Variants in PTPRD observed in about 807,000 individuals in gnomAD.
PTPRD encodes the protein protein tyrosine phosphatase receptor type D, also known as receptor-type tyrosine-protein phosphatase delta.
In PTPRD, 34 loss-of-function variants were observed where a neutral mutation model predicts 214.5. The ratio of observed to expected loss-of-function variants is 0.16; its 90% CI spans 0.12 to 0.21. The LOEUF (loss-of-function observed/expected upper bound fraction) is 0.21, where lower values mean the gene tolerates loss of function less well. Ranked by LOEUF, PTPRD falls within the 10% of genes least tolerant of loss-of-function variation. The pLI, the probability that PTPRD is intolerant of heterozygous loss-of-function variation, is 1.00. For synonymous variants in PTPRD, 1,128 were observed against 845.7 expected (o/e 1.33, Z -5.79); for missense variants, 2,545 against 2,398.7 (o/e 1.06, Z -1.27).
intron 11 of PTPRD, among the ~76,000 whole-genome samples, chr9:8,916,211 T>C (rs1418990797): frequency 6.6e-6 from 1 of 152,106 alleles, no homozygotes; most frequent in Non-Finnish European, 1.5e-5. Context: ...CAACAGCATG[T>C]AGATGTTAAT....
intron 3 of PTPRD, among the ~76,000 whole-genome samples, chr9:10,135,717 G>T (rs112054335): frequency 1.1e-3 from 165 of 152,050 alleles, no homozygotes; most frequent in Middle Eastern, 3.4e-3. Flanking sequence ...ATTACAAGAG[G>T]TCCTTAAGGG....
intron 44 of PTPRD, 25 bp from the exon 45 acceptor site, chr9:8,319,991 T>C (rs1825729775): frequency 6.2e-7 from 1 of 1,608,844 alleles, no homozygotes; most frequent in Non-Finnish European, 8.5e-7. Flanking sequence ...AAGGCGATGT[T>C]ACTGGGTGAG....
At chr9:9,324,771 C>T (rs1001517893) in intron 9 of PTPRD, among the ~76,000 whole-genome samples, 1 of 152,120 alleles carries the variant, frequency 6.6e-6, no homozygotes, top group Non-Finnish European at 1.5e-5. Context: ...TTGCCCATGC[C>T]TATGTCCTGA....
At chr9:10,297,204 G>T (rs527700969) in intron 3 of PTPRD, among the ~76,000 whole-genome samples, 1 of 150,698 alleles carries the variant, frequency 6.6e-6, no homozygotes, top group Non-Finnish European at 1.5e-5. Context: ...GTATACATGT[G>T]CCATGTTGTG....
At chr9:8,615,383 G>A (rs1276164406) in intron 14 of PTPRD, among the ~76,000 whole-genome samples, 1 of 152,052 alleles carries the variant, frequency 6.6e-6, no homozygotes, top group African/African-American at 2.4e-5. Flanking sequence ...TGCTTACTTT[G>A]AGAAAAAGTA....
At chr9:9,380,421 T>A (rs926564636) in intron 9 of PTPRD, among the ~76,000 whole-genome samples, 1 of 152,142 alleles carries the variant, frequency 6.6e-6, no homozygotes, top group African/African-American at 2.4e-5. Context: ...ACTTATGGGG[T>A]ACATGAGATG....
intron 34 of PTPRD, among the ~76,000 whole-genome samples, chr9:8,440,634 C>A (rs560492726): frequency 6.6e-6 from 1 of 152,178 alleles, no homozygotes; most frequent in East Asian, 1.9e-4. Context: ...TTTAAAGGCA[C>A]GCATCAAATC....
intron 2 of PTPRD, among the ~76,000 whole-genome samples, chr9:10,422,970 A>T (rs926274268): frequency 1.1e-4 from 16 of 152,132 alleles, no homozygotes; most frequent in Non-Finnish European, 2.1e-4. Context: ...TACCCAAAGG[A>T]TTATAAATCA....
At chr9:9,699,035 T>G (rs1161144437) in intron 7 of PTPRD, among the ~76,000 whole-genome samples, 1 of 152,198 alleles carries the variant, frequency 6.6e-6, no homozygotes, top group Non-Finnish European at 1.5e-5. Context: ...CTATAAAATG[T>G]TTTAATATAT....
At chr9:9,812,103 T>C (rs1350321090) in intron 5 of PTPRD, among the ~76,000 whole-genome samples, 1 of 149,768 alleles carries the variant, frequency 6.7e-6, no homozygotes, top group African/African-American at 2.5e-5. Context: ...TAGCAGTTTT[T>C]AGCAACAAGT....
chr9:8,931,176 A>G (rs926835819), intron 11 of PTPRD, among the ~76,000 whole-genome samples: 8 of 151,938 alleles, frequency 5.3e-5, no homozygotes, highest in Admixed American at 5.3e-4. Flanking sequence ...AGCTTTCTAC[A>G]TATGCCTAGC....
intron 3 of PTPRD, among the ~76,000 whole-genome samples, chr9:10,154,567 G>C (rs188597070): frequency 1.6e-4 from 24 of 152,156 alleles, no homozygotes; most frequent in Admixed American, 1.4e-3. Flanking sequence ...TATTGCCTAG[G>C]TTGTCTTCCA....
intron 5 of PTPRD, among the ~76,000 whole-genome samples, chr9:9,789,307 G>T (rs542219484): frequency 6.6e-6 from 1 of 152,154 alleles, no homozygotes; most frequent in Non-Finnish European, 1.5e-5. Flanking sequence ...TTCCCGTAGC[G>T]TATGAGATTT....
At chr9:9,493,787 CAAA>C (rs750252052) in intron 8 of PTPRD, among the ~76,000 whole-genome samples, 5 of 54,456 alleles carry the variant, frequency 9.2e-5, no homozygotes, top group East Asian at 6.0e-4. Context: ...GACTCCGTCT[CAAA>C]AAAAAAAAAA....
chr9:8,507,252 G>T (rs991645219), intron 22 of PTPRD, 49 bp downstream of exon 22: 1 of 1,576,004 alleles, frequency 6.3e-7, no homozygotes. Context: ...ATAAAAAAGT[G>T]GCCCCACGTA....
At chr9:9,554,829 A>G (rs2081129663) in intron 8 of PTPRD, among the ~76,000 whole-genome samples, 1 of 152,124 alleles carries the variant, frequency 6.6e-6, no homozygotes, top group Non-Finnish European at 1.5e-5. Context: ...GTATAATCAT[A>G]GGTCAATAAA....
intron 3 of PTPRD, among the ~76,000 whole-genome samples, chr9:10,273,999 A>G (rs1007900705): frequency 6.6e-6 from 1 of 152,144 alleles, no homozygotes; most frequent in Non-Finnish European, 1.5e-5. Context: ...CAAGATGGAC[A>G]TACTACTTCT....
chr9:8,440,294 T>C (rs2095503576), intron 34 of PTPRD, among the ~76,000 whole-genome samples: 1 of 150,140 alleles, frequency 6.7e-6, no homozygotes, highest in Non-Finnish European at 1.5e-5. Context: ...AGTTAGAAGC[T>C]ACAAATGTAC....
intron 12 of PTPRD, among the ~76,000 whole-genome samples, chr9:8,705,109 GC>G (rs1361395158): frequency 1.3e-5 from 2 of 151,982 alleles, no homozygotes; most frequent in African/African-American, 4.8e-5. Flanking sequence ...TAAAAAAAGG[GC>G]TCAGTGTTGA....
Sources: gnomAD v4.1 joint callset for allele counts (sites outside exome capture counted in the v4.1 genomes callset) on GRCh38, gnomAD v4.1.1 for gene constraint, MANE v1.5 for transcripts, NCBI Gene and HGNC (gene_info 2026-07-23, HGNC 2026-07-21) for gene names.